Variants in RNF19A observed in about 807,000 individuals in gnomAD.
RNF19A encodes the protein E3 ubiquitin-protein ligase RNF19A.
Under a neutral mutation model 75.7 loss-of-function variants are expected in RNF19A, and 32 were observed. The ratio of observed to expected loss-of-function variants is 0.42; its 90% CI spans 0.32 to 0.57. The LOEUF is 0.57. Among genes scored for constraint, RNF19A ranks in the 20% least tolerant of loss-of-function variants. The pLI is 0.10. For synonymous variants in RNF19A, 335 were observed against 345.2 expected (o/e 0.97, Z 0.33); for missense variants, 782 against 1,036.3 (o/e 0.75, Z 3.37).
intron 2 of RNF19A, among the ~76,000 whole-genome samples, chr8:100,283,803 T>C (rs934742599): frequency 2.0e-5 from 3 of 152,202 alleles, no homozygotes. Context: ...CTTTCAAGTG[T>C]GTTATATAAT....
intron 2 of RNF19A, among the ~76,000 whole-genome samples, chr8:100,279,310 G>A (rs964865831): frequency 6.6e-6 from 1 of 152,138 alleles, no homozygotes; most frequent in African/African-American, 2.4e-5. Context: ...TGGTAGTGTA[G>A]GGGAAATTAC....
At position 100,273,781 on chromosome 8, in the gene RNF19A, T is replaced by C. The variant is rs147341084; in HGVS notation, c.883+1172A>G. Among the ~76,000 whole-genome samples the C allele has an allele frequency of 3.9e-5, 6 of 152,208 alleles. No homozygotes were observed. In the South Asian group the frequency reaches 6.2e-4, roughly 16 times the overall value. On this transcript the variant is annotated intron_variant, in intron 3 of 9. Transcript: ENST00000341084. The stretch of plus-strand genomic sequence containing the variant: ...ATTATTAGTATCTTTATTTTATTAT[T>C]ATCATCATTATTATTTTTTGAGATG...
upstream of RNF19A, chr8:100,310,077 CG>C: frequency 1.0e-6 from 1 of 985,560 alleles, no homozygotes; most frequent in Non-Finnish European, 1.2e-6. Context: ...CGGCTGCTCC[CG>C]GGAACCAGCG....
rs1057503705 is a variant in RNF19A, at chr8:100,259,470, C to G, written c.1827-224G>C. On this transcript the variant is annotated intron_variant, in intron 9 of 9. Coordinates refer to ENST00000341084, the MANE Select transcript of RNF19A (RefSeq NM_183419.4). The surrounding 1 kb of genome is among the most constrained non-coding windows in gnomAD (Gnocchi z 4.5). ...GGACACATTTATTGCTTATGCTGTT[C>G]TAGACACTATGCTACCTTTTTTTAA... Among the ~76,000 whole-genome samples, 1 of 152,164 alleles carries G rather than the reference C, an allele frequency of 6.6e-6. No individual in the cohort carries two copies. Among genetic ancestry groups the G allele is most frequent in the Non-Finnish European group, 1.5e-5 (1 of 68,020 alleles).
upstream of RNF19A, among the ~76,000 whole-genome samples, chr8:100,310,811 C>T (rs1159796413): frequency 6.6e-6 from 1 of 152,084 alleles, no homozygotes; most frequent in Non-Finnish European, 1.5e-5. Context: ...TATTTCATCT[C>T]TAATACATTC....
At position 100,261,684 on chromosome 8, in the gene RNF19A, T is replaced by A; in HGVS notation, c.1540A>T (p.Ser514Cys). 1 of 1,614,152 alleles carries A rather than the reference T, an allele frequency of 6.2e-7. No individual in the cohort carries two copies. The highest frequency in any genetic ancestry group is 1.7e-5 in the Admixed American group (1 of 60,004). Residue 514 changes from serine (S) to cysteine (C), a missense_variant, in exon 8 of 10, where the codon AGT becomes TGT. Physicochemically the swap from Ser to Cys is moderately radical, Grantham distance 112 (BLOSUM62 -1). Coordinates refer to ENST00000341084, the MANE Select transcript of RNF19A (RefSeq NM_183419.4). The surrounding 1 kb of genome is among the most constrained non-coding windows in gnomAD (Gnocchi z 4.4). ...ATGTGGCTTCCACTTGCACTCAAAC[T>A]GCCAGTCAGCCCACCAACACTTCCC... ...GEGSVGGLTG[S>C]LSASGSHMDR...
At chr8:100,291,360 T>C (rs541973886) in intron 1 of RNF19A, among the ~76,000 whole-genome samples, 2 of 152,248 alleles carry the variant, frequency 1.3e-5, no homozygotes, top group African/African-American at 2.4e-5. Context: ...GAATGAATGA[T>C]GCTTTTCAGT....
Position 100,287,008 on chromosome 8 carries a change from T to A in RNF19A, c.674+493A>T, listed in dbSNP as rs1563851559. Among the ~76,000 whole-genome samples, 1 of 152,206 alleles carries A rather than the reference T, an allele frequency of 6.6e-6. No homozygotes were observed. The highest frequency in any genetic ancestry group is 2.4e-5 in the African/African-American group (1 of 41,462). ...CCTAGAACTTGAGACTAGCAAATGC[T>A]TATGTATATCAACATGAACACATCA... is the stretch of plus-strand genomic sequence containing the variant. On this transcript the variant is annotated intron_variant, in intron 2 of 9. Transcript: ENST00000341084. The surrounding 1 kb of genome is among the most constrained non-coding windows in gnomAD (Gnocchi z 4.1).
chr8:100,261,761 T>C lies in RNF19A; in HGVS notation c.1469-6A>G. On this transcript the variant is annotated splice_region_variant and splice_polypyrimidine_tract_variant and intron_variant, in intron 7 of 9. Transcript: ENST00000341084. The surrounding 1 kb of genome is among the most constrained non-coding windows in gnomAD (Gnocchi z 4.4). ...TTCTGCTACTGATGTTGTGTCTAAATGCAAATATTCCAAAGAAACTAAGTA... is the reference window on the plus strand; with the variant it reads ...TTCTGCTACTGATGTTGTGTCTAAACGCAAATATTCCAAAGAAACTAAGTA... 1.2e-6 allele frequency: 2 copies of C among 1,613,662 alleles called. No individual in the cohort carries two copies. Among genetic ancestry groups the C allele is most frequent in the Non-Finnish European group, 1.7e-6 (2 of 1,179,532 alleles).
intron 1 of RNF19A, among the ~76,000 whole-genome samples, chr8:100,304,644 A>G (rs537459127): frequency 1.3e-5 from 2 of 152,356 alleles, no homozygotes; most frequent in African/African-American, 4.8e-5. Flanking sequence ...AATATTAAAT[A>G]GATGAGAGGT....
intron 3 of RNF19A, among the ~76,000 whole-genome samples, chr8:100,272,358 G>A (rs962574779): frequency 1.3e-5 from 2 of 151,718 alleles, no homozygotes; most frequent in Non-Finnish European, 2.9e-5. Context: ...CACATCTTCA[G>A]TGACTGGGGA....
In RNF19A at chr8:100,290,907, T is replaced by C. The variant is rs189506236; in HGVS notation, c.-93-2640A>G. ...CCTAAACACAGATGTTTCATTTCTT[T>C]GGCTCTCCGATATCCTGCCAGTGCC... On this transcript the variant is annotated intron_variant, in intron 1 of 9. Coordinates refer to ENST00000341084, the MANE Select transcript of RNF19A (RefSeq NM_183419.4). Among the ~76,000 whole-genome samples the C allele has an allele frequency of 1.8e-4, 28 of 152,326 alleles. No individual in the cohort carries two copies. The East Asian group carries it at 5.4e-3, about 29-fold the overall frequency.
chr8:100,329,665 C>G lies in RNF19A; in HGVS notation c.-243+6443G>C, dbSNP rs1248746501. On this transcript the variant is annotated intron_variant, in intron 1 of 3. Coordinates refer to the RNF19A transcript ENST00000519527. The surrounding 1 kb of genome is among the most constrained non-coding windows in gnomAD (Gnocchi z 4.3). ...TAAGAGAAGTCTGGAAACCATGTCA[C>G]CTGATATGTGGTCAAAAGAACTGGT... 1.3e-5 allele frequency among the ~76,000 whole-genome samples: 2 copies of G among 152,160 alleles called. No homozygotes were observed. Among genetic ancestry groups the G allele is most frequent in the Non-Finnish European group, 2.9e-5 (2 of 68,024 alleles).
chr8:100,268,708 A>C (rs1006165627), intron 5 of RNF19A, 77 bp downstream of exon 5: 16 of 973,542 alleles, frequency 1.6e-5, no homozygotes, highest in South Asian at 3.3e-5. Flanking sequence ...AAAAAAACCC[A>C]AAAATCATCA....
chr8:100,279,913 G>T (rs1586631925), intron 2 of RNF19A, among the ~76,000 whole-genome samples: 1 of 152,040 alleles, frequency 6.6e-6, no homozygotes, highest in Admixed American at 6.6e-5. Flanking sequence ...GCCCACCTTG[G>T]CCTCCCAAAG....
chr8:100,310,852 C>T (rs1201964299), upstream of RNF19A, among the ~76,000 whole-genome samples: 1 of 151,772 alleles, frequency 6.6e-6, no homozygotes, highest in Non-Finnish European at 1.5e-5. Context: ...TTATTTGTTC[C>T]TTCGTCTCAT....
upstream of RNF19A, chr8:100,310,245 G>C: frequency 6.1e-6 from 6 of 985,082 alleles, no homozygotes; most frequent in Non-Finnish European, 7.2e-6. Context: ...GGCTCTGGAC[G>C]CGGCTGTTCC....
intron 1 of RNF19A, among the ~76,000 whole-genome samples, chr8:100,305,313 C>G (rs1332371720): frequency 1.3e-5 from 2 of 152,178 alleles, no homozygotes; most frequent in African/African-American, 4.8e-5. Flanking sequence ...CTCAATAACT[C>G]CAATTCGAAG....
Position 100,325,913 on chromosome 8 carries a change from AC to A in RNF19A, c.-243+10194del, listed in dbSNP as rs1426663955. ...TTAACAAACTGAGCTACTAGAGAAA[AC>A]ATATCAGACACAGTCCATGTCTGAA... is the stretch of plus-strand genomic sequence containing the variant. On this transcript the variant is annotated intron_variant, in intron 1 of 3. Coordinates refer to the RNF19A transcript ENST00000519527. This position sits in a 1 kb window ranked among gnomAD's most constrained non-coding sequence, Gnocchi z 4.3. 1.3e-5 allele frequency among the ~76,000 whole-genome samples: 2 copies of A among 152,208 alleles called. No homozygotes were observed. Among genetic ancestry groups the A allele is most frequent in the Non-Finnish European group, 2.9e-5 (2 of 68,032 alleles).
Sources: gnomAD v4.1 joint callset for allele counts (sites outside exome capture counted in the v4.1 genomes callset) on GRCh38, gnomAD v4.1.1 for gene constraint, Gnocchi (gnomAD v3.1) non-coding constraint, MANE v1.5 for transcripts, NCBI Gene and HGNC (gene_info 2026-07-23, HGNC 2026-07-21) for gene names.